The following LAMA3 variants were observed in gnomAD, a reference collection of about 807,000 sequenced individuals.
The protein encoded by LAMA3 is laminin subunit alpha-3.
LAMA3 carries 281 observed loss-of-function variants against 402.0 expected under a neutral mutation model. That is an observed-to-expected ratio of 0.70 (90% CI 0.63 to 0.77). The LOEUF (loss-of-function observed/expected upper bound fraction) is 0.77, where lower values mean the gene tolerates loss of function less well. LAMA3 is among the 30% of genes least tolerant of loss of function. The pLI, the probability that LAMA3 is intolerant of heterozygous loss-of-function variation, is 0.00. For missense variants in LAMA3, 3,840 were observed against 4,215.5 expected, an observed-to-expected ratio of 0.91 and a Z score of 2.47; for synonymous variants, 1,431 against 1,558.4, an observed-to-expected ratio of 0.92 and a Z score of 1.93.
intron 7 of LAMA3, among the ~76,000 whole-genome samples, chr18:23,762,587 C>CAA (rs749969696): frequency 7.3e-6 from 1 of 137,868 alleles, no homozygotes; most frequent in African/African-American, 2.7e-5. Flanking sequence ...AGACTGTCAC[C>CAA]AAAAAAAAAA....
chr18:23,875,828 G>C (rs2064691040), intron 38 of LAMA3, among the ~76,000 whole-genome samples: 1 of 152,090 alleles, frequency 6.6e-6, no homozygotes, highest in South Asian at 2.1e-4. Context: ...CCTCAAAACA[G>C]TTGTGAGAAG....
chr18:23,903,991 T>G lies in LAMA3; in HGVS notation c.6377T>G (p.Val2126Gly), dbSNP rs751287232. 2 of 1,613,870 alleles carry G rather than the reference T, an allele frequency of 1.2e-6. No homozygotes were observed. The highest frequency in any genetic ancestry group is 2.2e-5 in the South Asian group (2 of 91,082). The change falls in exon 50 of 75, where the codon GTA (valine) becomes GGA (glycine). Residue 2126 changes from valine (V) to glycine (G), a missense_variant. Coordinates refer to ENST00000313654, the MANE Select transcript of LAMA3 (RefSeq NM_198129.4). Reference sequence around the variant, plus strand: ...GCAAGACAAGAACTAAGTGACAAAGTAAGAGAACTTTCCAGATCTGCTGGC... The same window carrying G: ...GCAAGACAAGAACTAAGTGACAAAGGAAGAGAACTTTCCAGATCTGCTGGC... ...NEARQELSDKVRELSRSAGKT... is the reference protein window; with the variant it reads ...NEARQELSDKGRELSRSAGKT...
Position 23,901,316 on chromosome 18 carries a change from C to T in LAMA3, c.6194C>T (p.Ala2065Val). 6.2e-7 allele frequency: 1 copy of T among 1,613,674 alleles called. No individual in the cohort carries two copies. The highest frequency in any genetic ancestry group is 8.5e-7 in the Non-Finnish European group (1 of 1,179,760). The change falls in exon 48 of 75, where the codon GCC becomes GTC. Residue 2065 changes from alanine (A) to valine (V), a missense_variant. Coordinates refer to ENST00000313654, the MANE Select transcript of LAMA3 (RefSeq NM_198129.4). ...LNQENERALG[A>V]IQRQVKEINS... ...CAAGAAAACGAGAGAGCTTTGGGAG[C>T]CATTCAGGTGAGTTCACAGTTTGAA... is the stretch of plus-strand genomic sequence containing the variant.
chr18:23,778,070 G>T (rs1264183221), intron 11 of LAMA3, among the ~76,000 whole-genome samples: 1 of 152,168 alleles, frequency 6.6e-6, no homozygotes, highest in African/African-American at 2.4e-5. Flanking sequence ...TAATGCTTCT[G>T]GGGCATTCAC....
rs1046915760 is a variant in LAMA3 at position 23,827,057 on chromosome 18, C to G, written c.2670-257C>G. ...TGATGCATGCCCAAGTCAATGCCCTCAAGGTCAGTCATACATCTGGTGGGA... is the reference window on the plus strand; with the variant it reads ...TGATGCATGCCCAAGTCAATGCCCTGAAGGTCAGTCATACATCTGGTGGGA... On this transcript the variant is annotated intron_variant, in intron 22 of 74. Coordinates refer to ENST00000313654, the MANE Select transcript of LAMA3 (RefSeq NM_198129.4). 1.2e-4 allele frequency among the ~76,000 whole-genome samples: 18 copies of G among 152,210 alleles called. 1 individual carries two copies. In the East Asian group the frequency reaches 1.7e-3, roughly 15 times the overall value.
At position 23,763,533 on chromosome 18, in the gene LAMA3, T is replaced by A; in HGVS notation, c.1182+10T>A. ...CTGCATTAACTGTCAGGTGAGGCAC[T>A]ATTTAAATCAAAGTGGATGTGTTGT... On this transcript the variant is annotated intron_variant, in intron 8 of 74. Coordinates refer to ENST00000313654, the MANE Select transcript of LAMA3 (RefSeq NM_198129.4). 2.0e-6 allele frequency: 3 copies of A among 1,473,712 alleles called. No homozygotes were observed. The highest frequency in any genetic ancestry group is 2.9e-6 in the Non-Finnish European group (3 of 1,051,996). 91.3% of individuals were successfully genotyped at this position (1,473,712 alleles called of 1,614,324 possible).
At chr18:23,859,166 A>G (rs1315499467) in intron 34 of LAMA3, among the ~76,000 whole-genome samples, 1 of 152,222 alleles carries the variant, frequency 6.6e-6, no homozygotes, top group African/African-American at 2.4e-5. Context: ...CTAGAACAGG[A>G]TCTGGGACAT....
chr18:23,736,552 C>A (rs2061478249), intron 2 of LAMA3, among the ~76,000 whole-genome samples: 1 of 151,748 alleles, frequency 6.6e-6, no homozygotes, highest in Non-Finnish European at 1.5e-5. Context: ...GCATTTTTTC[C>A]AATAAAACTG....
chr18:23,852,322 C>T (rs1436600576), intron 32 of LAMA3, among the ~76,000 whole-genome samples: 1 of 152,222 alleles, frequency 6.6e-6, no homozygotes, highest in Non-Finnish European at 1.5e-5. Flanking sequence ...AGTCTGTGAA[C>T]TTGAGACAAT....
Position 23,752,396 on chromosome 18 carries a change from A to G in LAMA3, c.855+1308A>G, listed in dbSNP as rs114153204. ...TGTATATTACTTTTCACTTAGATGA[A>G]TACAGGCCTCTCCATTAAATAATTG... On this transcript the variant is annotated intron_variant, in intron 5 of 74. Transcript: ENST00000313654. 3.7e-3 allele frequency among the ~76,000 whole-genome samples: 556 copies of G among 152,286 alleles called. 3 individuals carry two copies. Among genetic ancestry groups the G allele is most frequent in the African/African-American group, 0.013 (528 of 41,536 alleles).
At chr18:23,694,405 C>T (rs1345847004) in intron 1 of LAMA3, among the ~76,000 whole-genome samples, 1 of 152,224 alleles carries the variant, frequency 6.6e-6, no homozygotes, top group Middle Eastern at 3.4e-3. Context: ...GCTTTGCTCC[C>T]CTGCTTAATG....
intron 12 of LAMA3, among the ~76,000 whole-genome samples, chr18:23,785,348 G>C (rs1316001393): frequency 1.3e-5 from 2 of 152,172 alleles, no homozygotes; most frequent in Admixed American, 6.6e-5. Context: ...TGCAAGGTCA[G>C]CCACACTAAG....
intron 67 of LAMA3, 136 bp downstream of exon 67, chr18:23,934,071 A>G: frequency 1.2e-6 from 1 of 848,754 alleles, no homozygotes; most frequent in Non-Finnish European, 2.0e-6. Context: ...TCAACAGTTG[A>G]ATCACACCAA....
intron 16 of LAMA3, 36 bp from the exon 17 acceptor site, chr18:23,815,432 A>G (rs1199156621): frequency 2.6e-6 from 4 of 1,538,964 alleles, no homozygotes; most frequent in African/African-American, 1.4e-5. Context: ...TTCTGTAATT[A>G]TATCAAATGT....
chr18:23,733,109 G>A (rs2061419519), intron 2 of LAMA3, among the ~76,000 whole-genome samples: 1 of 152,066 alleles, frequency 6.6e-6, no homozygotes, highest in African/African-American at 2.4e-5. Flanking sequence ...AAGCAGAGGA[G>A]GCCTAGGTTT....
intron 1 of LAMA3, among the ~76,000 whole-genome samples, chr18:23,692,008 C>T (rs1178865839): frequency 6.6e-6 from 1 of 152,196 alleles, no homozygotes; most frequent in East Asian, 1.9e-4. Context: ...AAATGTAGAA[C>T]CCCTTGTTAA....
rs573067941 is a variant in LAMA3, at chr18:23,733,262, G to A, written c.448-14681G>A. 1.9e-4 allele frequency among the ~76,000 whole-genome samples: 29 copies of A among 152,288 alleles called. No individual in the cohort carries two copies. In the South Asian group the frequency reaches 5.8e-3, roughly 31 times the overall value. On this transcript the variant is annotated intron_variant, in intron 2 of 74. Transcript: ENST00000313654. ...CTTTGCTTGGAATATTTTAGGAAGT[G>A]TATTAGTCCGTTTTCATGCTGCTGA...
intron 38 of LAMA3, among the ~76,000 whole-genome samples, chr18:23,873,624 G>A (rs571285938): frequency 6.6e-6 from 1 of 152,118 alleles, no homozygotes; most frequent in Non-Finnish European, 1.5e-5. Context: ...CTTGAGAAAA[G>A]TGATCAAAGT....
At position 23,864,198 on chromosome 18, in the gene LAMA3, TCTTA is replaced by T. The variant is rs560660374; in HGVS notation, c.4585-583_4585-580del. Among the ~76,000 whole-genome samples the T allele has an allele frequency of 2.2e-3, 335 of 152,086 alleles. 4 individuals are homozygous for T. The highest frequency in any genetic ancestry group is 0.01 in the Middle Eastern group (3 of 292). ...AAAAAAGGAACACGACTATTATTTT[TCTTA>T]CTTTCTTTCTTTTCTTTCTTTCATT... On this transcript the variant is annotated intron_variant, in intron 35 of 74. Transcript: ENST00000313654.
Sources: allele counts gnomAD v4.1 joint callset (sites outside exome capture counted in the v4.1 genomes callset), GRCh38; gene constraint gnomAD v4.1.1; transcripts MANE v1.5; gene names NCBI Gene and HGNC (gene_info 2026-07-23, HGNC 2026-07-21).